Variants in SMG1 observed in about 807,000 individuals in gnomAD.
SMG1 encodes the protein SMG1 nonsense mediated mRNA decay associated PI3K related kinase.
Under a neutral mutation model 419.9 loss-of-function variants are expected in SMG1, and 22 were observed. The ratio of observed to expected loss-of-function variants is 0.05; its 90% CI spans 0.04 to 0.07. The LOEUF (loss-of-function observed/expected upper bound fraction) is 0.07, where lower values mean the gene tolerates loss of function less well. Among genes scored for constraint, SMG1 ranks in the 10% least tolerant of loss-of-function variants. SMG1 has a pLI of 1.00. For synonymous variants in SMG1, 1,538 were observed against 1,553.5 expected (o/e 0.99, Z 0.23); for missense variants, 3,185 against 4,342.0 (o/e 0.73, Z 7.49).
intron 3 of SMG1, among the ~76,000 whole-genome samples, chr16:18,893,745 G>A (rs2036988314): frequency 6.6e-6 from 1 of 151,234 alleles, no homozygotes; most frequent in Non-Finnish European, 1.5e-5. Context: ...TCTAAGGTAT[G>A]AGAAAACATT....
At position 18,847,822 on chromosome 16, in the gene SMG1, T is replaced by C; in HGVS notation, c.5835A>G (p.Val1945=). The C allele has an allele frequency of 6.2e-7, 1 of 1,613,610 alleles. No homozygotes were observed. Among genetic ancestry groups the C allele is most frequent in the African/African-American group, 1.3e-5 (1 of 75,052 alleles). Residue 1945 remains valine, a synonymous_variant, in exon 37 of 63, where the codon GTA becomes GTG. Transcript: ENST00000446231. ...CATGTGAGTTTCTTTGTACCTGTAA[T>C]ACCATGGTGGGGTTTGCAGAGGACA... ...DKLSSANPTM[V]LQVQMLVAEL... is the part of the protein sequence containing the mutation.
chr16:18,851,190 C>T (rs900446858), intron 33 of SMG1, among the ~76,000 whole-genome samples: 4 of 152,242 alleles, frequency 2.6e-5, no homozygotes, highest in Non-Finnish European at 5.9e-5. Flanking sequence ...GACTTAGATA[C>T]GCTGCTGTTT....
intron 30 of SMG1, 62 bp downstream of exon 30, chr16:18,854,594 G>A: frequency 6.9e-7 from 1 of 1,456,840 alleles, no homozygotes; most frequent in Non-Finnish European, 9.3e-7. Context: ...TACATACACA[G>A]TAACATTCAT....
intron 16 of SMG1, among the ~76,000 whole-genome samples, chr16:18,871,132 G>T (rs558320114): frequency 7.6e-4 from 115 of 152,146 alleles, no homozygotes; most frequent in Middle Eastern, 3.4e-3. Context: ...AAATGTAAAA[G>T]TATATGCAAA....
chr16:18,871,421 C>A lies in SMG1; in HGVS notation c.2245G>T (p.Ala749Ser). 1 of 1,602,812 alleles carries A rather than the reference C, an allele frequency of 6.2e-7. No individual in the cohort carries two copies. The highest frequency in any genetic ancestry group is 8.5e-7 in the Non-Finnish European group (1 of 1,177,142). The change falls in exon 16 of 63, where the codon GCA (alanine) becomes TCA (serine). Residue 749 changes from alanine (A) to serine (S), a missense_variant. Coordinates refer to ENST00000446231, the MANE Select transcript of SMG1 (RefSeq NM_015092.5). ...AVLMKKSETY[A>S]PLFSLPSFHK... ...AAAGACGGAAGAGAGAATAAAGGTGCGTATGTTTCAGACTTCTTCATTAAA... is the reference window on the plus strand; with the variant it reads ...AAAGACGGAAGAGAGAATAAAGGTGAGTATGTTTCAGACTTCTTCATTAAA...
At position 18,805,001 on chromosome 16, in the gene SMG1, T is replaced by C. The variant is rs1336697746; in HGVS notation, c.*4568A>G. The stretch of plus-strand genomic sequence containing the variant: ...AACATTTTCAGGAAGCTGGTGTGAT[T>C]TATTCAACTTTTAAATACAATCACA... On this transcript the variant is annotated 3_prime_UTR_variant, in exon 63 of 63. Transcript: ENST00000446231. 6.5e-6 allele frequency: 1 copy of C among 152,700 alleles called. No homozygotes were observed. The highest frequency in any genetic ancestry group is 1.5e-5 in the Non-Finnish European group (1 of 68,052). The allele number at this position is 152,700 out of a possible 1,614,324, so 9.5% of individuals were successfully genotyped here.
At chr16:18,814,290 A>G (rs903989667) in intron 60 of SMG1, among the ~76,000 whole-genome samples, 4 of 151,652 alleles carry the variant, frequency 2.6e-5, no homozygotes, top group African/African-American at 9.7e-5. Context: ...ATGGAACTAC[A>G]AATTCTTCAT....
rs528734356 is a variant in SMG1, at chr16:18,898,589, T to A, written c.93-1633A>T. On this transcript the variant is annotated intron_variant, in intron 1 of 62. Coordinates refer to ENST00000446231, the MANE Select transcript of SMG1 (RefSeq NM_015092.5). ...CATACGATTACTTTCTGAAAGGAGATTGAAACATAAGAGAGCTTATAATCT... is the reference window on the plus strand; with the variant it reads ...CATACGATTACTTTCTGAAAGGAGAATGAAACATAAGAGAGCTTATAATCT... 8.5e-5 allele frequency among the ~76,000 whole-genome samples: 13 copies of A among 152,314 alleles called. No homozygotes were observed. The South Asian group carries it at 2.7e-3, about 32-fold the overall frequency.
At chr16:18,916,301 G>A (rs1381191683) in intron 1 of SMG1, among the ~76,000 whole-genome samples, 7 of 151,438 alleles carry the variant, frequency 4.6e-5, no homozygotes, top group South Asian at 4.2e-4. Flanking sequence ...GGATCACGAG[G>A]TCAGGAGATC....
intron 29 of SMG1, 114 bp downstream of exon 29, chr16:18,858,056 A>G (rs867136373): frequency 1.3e-6 from 1 of 775,080 alleles, no homozygotes; most frequent in Non-Finnish European, 2.0e-6. Flanking sequence ...AAGTGAAGAC[A>G]TGTTAGAACT....
chr16:18,879,417 A>G, intron 11 of SMG1, 78 bp downstream of exon 11: 1 of 1,306,364 alleles, frequency 7.7e-7, no homozygotes, highest in Non-Finnish European at 1.1e-6. Context: ...GCCCAGACAA[A>G]GCCCTTAATT....
At chr16:18,846,767 C>A (rs1442839696) in intron 38 of SMG1, among the ~76,000 whole-genome samples, 1 of 152,178 alleles carries the variant, frequency 6.6e-6, no homozygotes, top group Non-Finnish European at 1.5e-5. Flanking sequence ...TCATGCATGG[C>A]TAGGAGGATT....
In SMG1 at chr16:18,816,358, T is replaced by C. The variant is rs746610263; in HGVS notation, c.10246A>G (p.Thr3416Ala). The C allele has an allele frequency of 1.6e-5, 26 of 1,613,896 alleles. No individual in the cohort carries two copies. The Admixed American group carries it at 4.3e-4, about 27-fold the overall frequency. The part of the protein sequence containing the change: ...NLVDNIKTVL[T>A]GHNRQLGDVK... ...TCTCCAAGCTGTCGGTTATGACCAG[T>C]GAGCACAGTCTTTATATTATCAACC... is the stretch of plus-strand genomic sequence containing the variant. Residue 3416 changes from threonine to alanine, a missense_variant, in exon 58 of 63, where the codon ACT becomes GCT. Coordinates refer to ENST00000446231, the MANE Select transcript of SMG1 (RefSeq NM_015092.5).
At chr16:18,832,582 G>GCGCA (rs375153210) in intron 51 of SMG1, among the ~76,000 whole-genome samples, 2,035 of 148,382 alleles carry the variant, frequency 0.014, 42 homozygotes, top group African/African-American at 0.048. Flanking sequence ...CTATACACTT[G>GCGCA]CACACACACA....
At chr16:18,857,150 A>C (rs978909950) in intron 29 of SMG1, 4 of 152,266 alleles carry the variant, frequency 2.6e-5, no homozygotes, top group African/African-American at 9.6e-5. Flanking sequence ...CACAGCTTCA[A>C]GTAACCACTC....
chr16:18,857,254 G>C (rs560969949), intron 29 of SMG1: 311 of 152,316 alleles, frequency 2.0e-3, no homozygotes, highest in African/African-American at 6.9e-3. Context: ...CACTAAAACT[G>C]CACAGCATTC....
intron 1 of SMG1, among the ~76,000 whole-genome samples, chr16:18,915,405 C>G (rs1350879261): frequency 2.0e-5 from 3 of 152,090 alleles, no homozygotes; most frequent in African/African-American, 7.2e-5. Flanking sequence ...GAACGCTTTC[C>G]CCAAAAACAC....
At chr16:18,858,143 C>A (rs745991426) in intron 29 of SMG1, 27 bp downstream of exon 29, 1 of 1,524,970 alleles carries the variant, frequency 6.6e-7, no homozygotes, top group Non-Finnish European at 8.8e-7. Flanking sequence ...CTTTAATTTT[C>A]TCTTACAAGA....
At chr16:18,843,784 A>C (rs2034064203) in intron 39 of SMG1, among the ~76,000 whole-genome samples, 1 of 152,210 alleles carries the variant, frequency 6.6e-6, no homozygotes, top group African/African-American at 2.4e-5. Context: ...CTGTAAACAA[A>C]AACTATTTTT....
Sources: gnomAD v4.1 joint callset for allele counts (sites outside exome capture counted in the v4.1 genomes callset) on GRCh38, gnomAD v4.1.1 for gene constraint, MANE v1.5 for transcripts, NCBI Gene and HGNC (gene_info 2026-07-23, HGNC 2026-07-21) for gene names.